The following SLC24A2 variants were observed in gnomAD, a reference collection of about 807,000 sequenced individuals.
SLC24A2 encodes the protein solute carrier family 24 member 2.
SLC24A2 carries 36 observed loss-of-function variants against 62.0 expected under a neutral mutation model. That is an observed-to-expected ratio of 0.58 (90% CI 0.44 to 0.77). The LOEUF (loss-of-function observed/expected upper bound fraction) is 0.77. Among genes scored for constraint, SLC24A2 ranks in the 30% least tolerant of loss-of-function variants. The pLI is 0.00. For synonymous variants in SLC24A2, 358 were observed against 294.0 expected (o/e 1.22, Z -2.23); for missense variants, 846 against 817.9 (o/e 1.03, Z -0.42).
intron 5 of SLC24A2, among the ~76,000 whole-genome samples, chr9:19,580,634 G>T (rs1342629001): frequency 6.6e-6 from 1 of 152,198 alleles, no homozygotes. Context: ...CAGCAAACAA[G>T]GTGTGTGTGT....
the SLC24A2 span, among the ~76,000 whole-genome samples, chr9:20,131,357 G>A: frequency 1.5e-3 from 234 of 152,236 alleles, no homozygotes; most frequent in Non-Finnish European, 2.8e-3. Flanking sequence ...ACAAGAGGCA[G>A]ATGAAGTGGA....
the SLC24A2 span, among the ~76,000 whole-genome samples, chr9:20,042,566 G>T: frequency 6.6e-6 from 1 of 152,144 alleles, no homozygotes; most frequent in Non-Finnish European, 1.5e-5. Flanking sequence ...CTTCCTTCTG[G>T]GTCCTAGGCC....
At chr9:20,119,349 T>G in the SLC24A2 span, among the ~76,000 whole-genome samples, 2 of 152,118 alleles carry the variant, frequency 1.3e-5, no homozygotes, top group Non-Finnish European at 2.9e-5. Context: ...TAATTTGTTA[T>G]GCCGATTATA....
chr9:19,705,311 T>TG (rs1390217531), intron 2 of SLC24A2: 16 of 153,460 alleles, frequency 1.0e-4, no homozygotes, highest in African/African-American at 3.9e-4. Flanking sequence ...GAGGACTCTC[T>TG]GGGGAAAGAT....
At chr9:20,293,812 A>G in the SLC24A2 span, among the ~76,000 whole-genome samples, 1 of 152,118 alleles carries the variant, frequency 6.6e-6, no homozygotes, top group African/African-American at 2.4e-5. Context: ...ATATTTGAAG[A>G]CATTTATTTA....
At chr9:20,153,568 G>C in the SLC24A2 span, among the ~76,000 whole-genome samples, 3 of 151,792 alleles carry the variant, frequency 2.0e-5, no homozygotes, top group Non-Finnish European at 2.9e-5. Flanking sequence ...TGAAAATGAA[G>C]GGACATCATC....
intron 2 of SLC24A2, among the ~76,000 whole-genome samples, chr9:19,727,864 T>C (rs746769508): frequency 1.2e-4 from 19 of 152,190 alleles, no homozygotes; most frequent in Non-Finnish European, 2.5e-4. Context: ...TCGAGATCAT[T>C]TCTATCTCTT....
intron 7 of SLC24A2, among the ~76,000 whole-genome samples, chr9:19,551,040 C>T (rs1834817137): frequency 6.6e-6 from 1 of 152,100 alleles, no homozygotes; most frequent in African/African-American, 2.4e-5. Context: ...GCTACGGTCA[C>T]CCTAGTCTCC....
At chr9:19,818,069 A>T in the SLC24A2 span, among the ~76,000 whole-genome samples, 6 of 152,046 alleles carry the variant, frequency 3.9e-5, no homozygotes, top group Non-Finnish European at 8.8e-5. Flanking sequence ...TTAAATATGT[A>T]CCTTTACTGA....
intron 7 of SLC24A2, among the ~76,000 whole-genome samples, chr9:19,566,512 T>C (rs951188795): frequency 1.3e-5 from 2 of 151,606 alleles, no homozygotes; most frequent in African/African-American, 4.8e-5. Flanking sequence ...ACACTGTTGG[T>C]GGGACTGTAA....
intron 8 of SLC24A2, among the ~76,000 whole-genome samples, chr9:19,531,649 G>C (rs1833713678): frequency 6.6e-6 from 1 of 151,886 alleles, no homozygotes; most frequent in Non-Finnish European, 1.5e-5. Context: ...TATTCACTCA[G>C]CATCTACTCT....
chr9:19,755,922 G>GTA (rs36093150), intron 2 of SLC24A2, among the ~76,000 whole-genome samples: 103,596 of 151,816 alleles, frequency 0.68, 35,582 homozygotes, highest in Admixed American at 0.74. Flanking sequence ...ACAATGGGCT[G>GTA]TAATTGGATT....
intron 2 of SLC24A2, among the ~76,000 whole-genome samples, chr9:19,626,592 ATAAACT>A (rs1298360512): frequency 6.6e-6 from 1 of 152,342 alleles, no homozygotes; most frequent in Admixed American, 6.5e-5. Context: ...GTCTATAGAA[ATAAACT>A]TAAACATATT....
intron 2 of SLC24A2, among the ~76,000 whole-genome samples, chr9:19,643,163 AT>A (rs1442390619): frequency 6.6e-6 from 1 of 151,970 alleles, no homozygotes; most frequent in Admixed American, 6.6e-5. Flanking sequence ...TAATATGAAT[AT>A]TTTATCTAAA....
At chr9:19,762,897 A>C (rs1177654695) in intron 2 of SLC24A2, among the ~76,000 whole-genome samples, 6 of 151,440 alleles carry the variant, frequency 4.0e-5, no homozygotes, top group African/African-American at 1.5e-4. Context: ...TGAATCTATA[A>C]ATTACTATGG....
the SLC24A2 span, among the ~76,000 whole-genome samples, chr9:20,141,341 C>A: frequency 6.6e-6 from 1 of 152,044 alleles, no homozygotes; most frequent in South Asian, 2.1e-4. Flanking sequence ...CTTGATCCTG[C>A]AGTTAGCCCC....
the SLC24A2 span, among the ~76,000 whole-genome samples, chr9:20,075,223 C>T: frequency 1.3e-5 from 2 of 152,132 alleles, no homozygotes; most frequent in Admixed American, 1.3e-4. Context: ...AACTGTCAGC[C>T]AGTGAGCAAT....
chr9:19,631,372 G>A (rs1412930255), intron 2 of SLC24A2, among the ~76,000 whole-genome samples: 3 of 152,106 alleles, frequency 2.0e-5, no homozygotes, highest in Admixed American at 6.5e-5. Context: ...TCTGGCATGT[G>A]TGCTCTGACT....
intron 2 of SLC24A2, among the ~76,000 whole-genome samples, chr9:19,654,636 C>T (rs1458224931): frequency 6.6e-6 from 1 of 152,298 alleles, no homozygotes; most frequent in East Asian, 1.9e-4. Flanking sequence ...GGGAATCTTG[C>T]ACCAGCTGGT....
Sources: gnomAD v4.1 joint callset for allele counts (sites outside exome capture counted in the v4.1 genomes callset) on GRCh38, gnomAD v4.1.1 for gene constraint, MANE v1.5 for transcripts, NCBI Gene and HGNC (gene_info 2026-07-23, HGNC 2026-07-21) for gene names.